NRXN1: variants seen among roughly 807,000 people sequenced by gnomAD.
NRXN1 encodes the protein neurexin 1.
A neutral mutation model predicts 150.9 loss-of-function variants in NRXN1; 39 were observed. The ratio of observed to expected loss-of-function variants is 0.26; its 90% confidence interval spans 0.20 to 0.34. The LOEUF is 0.34. NRXN1 is among the 10% of genes least tolerant of loss of function. The pLI is 1.00. For synonymous variants in NRXN1, 924 were observed against 757.0 expected (o/e 1.22, Z -3.62); for missense variants, 1,815 against 1,949.9 (o/e 0.93, Z 1.30).
At chr2:50,270,511 C>T (rs563143443) in intron 17 of NRXN1, among the ~76,000 whole-genome samples, 1 of 151,820 alleles carries the variant, frequency 6.6e-6, no homozygotes, top group Non-Finnish European at 1.5e-5. Flanking sequence ...CATCCTTTCT[C>T]CAGAAAAATA....
chr2:50,197,890 T>A (rs988804850), intron 18 of NRXN1, among the ~76,000 whole-genome samples: 35 of 152,140 alleles, frequency 2.3e-4, no homozygotes, highest in Non-Finnish European at 8.8e-5. Flanking sequence ...GCAAGTCAAG[T>A]CACAAAGTTA....
At chr2:50,866,408 T>C (rs1676949631) in intron 5 of NRXN1, among the ~76,000 whole-genome samples, 1 of 151,984 alleles carries the variant, frequency 6.6e-6, no homozygotes, top group South Asian at 2.1e-4. Flanking sequence ...TATCCAATGC[T>C]GAAATCATTT....
chr2:50,703,426 A>G (rs921757165), intron 5 of NRXN1, among the ~76,000 whole-genome samples: 6 of 152,148 alleles, frequency 3.9e-5, no homozygotes, highest in African/African-American at 1.4e-4. Context: ...CCTTAGCTTA[A>G]AAGTTTTATT....
intron 21 of NRXN1, among the ~76,000 whole-genome samples, chr2:49,974,563 T>C (rs1678609739): frequency 6.6e-6 from 1 of 152,190 alleles, no homozygotes; most frequent in African/African-American, 2.4e-5. Flanking sequence ...TAATATTAAA[T>C]TAGAAGACTT....
intron 17 of NRXN1, among the ~76,000 whole-genome samples, chr2:50,365,268 T>C (rs970167732): frequency 2.0e-5 from 3 of 152,084 alleles, no homozygotes; most frequent in African/African-American, 4.8e-5. Flanking sequence ...CAGTTGGTAA[T>C]AAATTCAGAT....
At chr2:50,627,615 G>GAC (rs142392248) in intron 5 of NRXN1, among the ~76,000 whole-genome samples, 14,233 of 148,212 alleles carry the variant, frequency 0.096, 1,827 homozygotes, top group African/African-American at 0.29. Flanking sequence ...GTCAGACACA[G>GAC]ACACACACAC....
intron 18 of NRXN1, among the ~76,000 whole-genome samples, chr2:50,166,782 T>A (rs936388439): frequency 2.0e-5 from 3 of 152,136 alleles, no homozygotes; most frequent in Non-Finnish European, 4.4e-5. Flanking sequence ...TGTCTGAAAA[T>A]TCTTCTGAAG....
chr2:50,995,659 T>C (rs1699167431), intron 2 of NRXN1, among the ~76,000 whole-genome samples: 2 of 151,544 alleles, frequency 1.3e-5, no homozygotes, highest in South Asian at 4.2e-4. Flanking sequence ...GTACTGTATT[T>C]GAAGATGGGA....
chr2:50,923,668 A>G (rs1370105698), intron 3 of NRXN1: 1 of 156,438 alleles, frequency 6.4e-6, no homozygotes, highest in Non-Finnish European at 1.4e-5. Context: ...CTATCCATGT[A>G]TATGTCTACA....
chr2:49,935,994 T>C (rs981121261), intron 22 of NRXN1, among the ~76,000 whole-genome samples: 1 of 152,220 alleles, frequency 6.6e-6, no homozygotes, highest in Non-Finnish European at 1.5e-5. Flanking sequence ...AAGGCTATTA[T>C]ATTTTAGCAT....
rs76439040 is a variant in NRXN1, at chr2:50,596,470, T to C, written c.1320+23552A>G. 2.0e-5 allele frequency among the ~76,000 whole-genome samples: 3 copies of C among 152,338 alleles called. No homozygotes were observed. The East Asian group carries it at 5.8e-4, about 29-fold the overall frequency. On this transcript the variant is annotated intron_variant, in intron 8 of 22. Coordinates refer to ENST00000401669, the MANE Select transcript of NRXN1 (RefSeq NM_001330078.2). ...TGTTATCCTACTCCCCTTTCACAGA[T>C]AAATCACATTAAAAGAAATTATGCA... is the stretch of plus-strand genomic sequence containing the variant.
chr2:50,456,542 G>T (rs371978948), intron 17 of NRXN1, among the ~76,000 whole-genome samples: 2 of 152,070 alleles, frequency 1.3e-5, no homozygotes, highest in East Asian at 1.9e-4. Context: ...GACACAGAAT[G>T]CTTTGTTCAG....
At chr2:50,991,401 CT>C (rs564592153) in intron 2 of NRXN1, among the ~76,000 whole-genome samples, 166 of 152,096 alleles carry the variant, frequency 1.1e-3, no homozygotes, top group African/African-American at 3.9e-3. Flanking sequence ...AAAATGGATG[CT>C]TGTGATGATG....
At chr2:50,755,585 GC>G (rs1213203115) in intron 5 of NRXN1, among the ~76,000 whole-genome samples, 1 of 151,652 alleles carries the variant, frequency 6.6e-6, no homozygotes, top group African/African-American at 2.4e-5. Flanking sequence ...TGGATTCCAG[GC>G]CCAAAGATTT....
chr2:50,863,792 G>A (rs946025684), intron 5 of NRXN1, among the ~76,000 whole-genome samples: 4 of 151,886 alleles, frequency 2.6e-5, no homozygotes, highest in Non-Finnish European at 4.4e-5. Flanking sequence ...ACCCTAGTCA[G>A]ACATTAAAAA....
chr2:50,955,714 G>C (rs1692173048), intron 2 of NRXN1, among the ~76,000 whole-genome samples: 1 of 152,192 alleles, frequency 6.6e-6, no homozygotes, highest in African/African-American at 2.4e-5. Flanking sequence ...ATACAGTGAA[G>C]CTGCCTTTCT....
At chr2:49,961,988 C>T (rs1676043295) in intron 21 of NRXN1, among the ~76,000 whole-genome samples, 1 of 151,996 alleles carries the variant, frequency 6.6e-6, no homozygotes, top group Non-Finnish European at 1.5e-5. Flanking sequence ...CACCTCTAGT[C>T]CCAGCCACCT....
At chr2:50,570,528 A>G (rs1670512420) in intron 8 of NRXN1, among the ~76,000 whole-genome samples, 2 of 152,186 alleles carry the variant, frequency 1.3e-5, no homozygotes, top group Admixed American at 1.3e-4. Flanking sequence ...TTTCATGACT[A>G]GATGACTTAT....
intron 17 of NRXN1, among the ~76,000 whole-genome samples, chr2:50,315,816 A>T (rs954645249): frequency 5.9e-5 from 9 of 152,166 alleles, no homozygotes; most frequent in Admixed American, 4.6e-4. Context: ...AGTTGTATTC[A>T]GAGGTCAATT....
Sources: gnomAD v4.1 joint callset for allele counts (sites outside exome capture counted in the v4.1 genomes callset) on GRCh38, gnomAD v4.1.1 for gene constraint, MANE v1.5 for transcripts, NCBI Gene and HGNC (gene_info 2026-07-23, HGNC 2026-07-21) for gene names.